Variants in ZNF827 observed in about 807,000 individuals in gnomAD.
ZNF827 encodes zinc finger protein 827.
Under a neutral mutation model 102.4 loss-of-function variants are expected in ZNF827, and 13 were observed. The observed-to-expected ratio is 0.13, with a 90% confidence interval of 0.08 to 0.20. ZNF827 has a LOEUF of 0.20. Among genes scored for constraint, ZNF827 ranks in the 10% least tolerant of loss-of-function variants. ZNF827 has a pLI of 1.00. For missense variants in ZNF827, 1,103 were observed against 1,344.4 expected, an observed-to-expected ratio of 0.82 and a Z score of 2.81; for synonymous variants, 523 against 536.2, an observed-to-expected ratio of 0.98 and a Z score of 0.34.
At chr4:145,899,039 T>C (rs1192377379) in intron 2 of ZNF827, among the ~76,000 whole-genome samples, 2 of 152,248 alleles carry the variant, frequency 1.3e-5, no homozygotes, top group East Asian at 3.9e-4. Flanking sequence ...TTTGTTGTTG[T>C]TCTTGGGGGC....
chr4:145,883,657 C>G (rs1374609169), intron 4 of ZNF827, among the ~76,000 whole-genome samples: 1 of 152,222 alleles, frequency 6.6e-6, no homozygotes, highest in African/African-American at 2.4e-5. Context: ...GCTCAACTTC[C>G]TCTAGATTTT....
chr4:145,778,388 C>T (rs185196266), intron 9 of ZNF827, among the ~76,000 whole-genome samples: 3 of 152,326 alleles, frequency 2.0e-5, no homozygotes, highest in Admixed American at 2.0e-4. Flanking sequence ...CCTGCCTTGG[C>T]CTCCCAAAGT....
chr4:145,903,382 G>GA (rs900712915), intron 1 of ZNF827, among the ~76,000 whole-genome samples, 167 bp from the exon 2 acceptor site: 6 of 152,152 alleles, frequency 3.9e-5, no homozygotes, highest in African/African-American at 1.4e-4. Context: ...GCAGAAGCCT[G>GA]AAAAAAGTAA....
At chr4:145,906,992 T>A (rs2126907895) in intron 1 of ZNF827, 1 of 443,088 alleles carries the variant, frequency 2.3e-6, no homozygotes, top group Admixed American at 2.6e-5. Context: ...ATAATTTTAA[T>A]GCATGGCATA....
At chr4:145,813,019 C>T (rs1034737225) in intron 8 of ZNF827, among the ~76,000 whole-genome samples, 6 of 152,134 alleles carry the variant, frequency 3.9e-5, no homozygotes, top group African/African-American at 1.2e-4. Context: ...AATCTCTTGC[C>T]ATCCCATTCT....
chr4:145,897,733 A>G (rs1228764067), intron 2 of ZNF827, among the ~76,000 whole-genome samples: 1 of 152,248 alleles, frequency 6.6e-6, no homozygotes. Flanking sequence ...TGATATCTAT[A>G]GCCATACTAA....
intron 8 of ZNF827, among the ~76,000 whole-genome samples, chr4:145,793,263 A>T (rs1015570606): frequency 7.3e-6 from 1 of 136,650 alleles, no homozygotes; most frequent in African/African-American, 2.7e-5. Context: ...ATATATATAT[A>T]TCTCTTATAT....
chr4:145,913,494 T>C (rs993764617), intron 1 of ZNF827, among the ~76,000 whole-genome samples: 3 of 148,996 alleles, frequency 2.0e-5, no homozygotes, highest in African/African-American at 7.4e-5. Flanking sequence ...CTTAGAGATA[T>C]CCAAACAAAA....
In ZNF827 at chr4:145,866,909, T is replaced by A. The variant is rs78269777; in HGVS notation, c.1981+3336A>T. On this transcript the variant is annotated intron_variant, in intron 5 of 14. Coordinates refer to ENST00000508784, the MANE Select transcript of ZNF827 (RefSeq NM_001306215.2). The stretch of plus-strand genomic sequence containing the variant: ...TTTCAGCATTACATCATATCCATGA[T>A]AACACAGCTATCCCATAAGTTTGCA... Among the ~76,000 whole-genome samples the A allele has an allele frequency of 4.9e-4, 75 of 152,348 alleles. No individual in the cohort carries two copies. In the East Asian group the frequency reaches 7.1e-3, roughly 14 times the overall value.
At position 145,785,567 on chromosome 4, in the gene ZNF827, C is replaced by T. The variant is rs558687036; in HGVS notation, c.2384-6056G>A. On this transcript the variant is annotated intron_variant, in intron 8 of 14. Transcript: ENST00000508784. ...ACAACTGTTGCCCAAGGTTGGGCAA[C>T]AGTTTCCACAGTAACTAAGTCTCTA... 3.3e-5 allele frequency among the ~76,000 whole-genome samples: 5 copies of T among 152,264 alleles called. No homozygotes were observed. In the South Asian group the frequency reaches 8.3e-4, roughly 25 times the overall value.
intron 5 of ZNF827, among the ~76,000 whole-genome samples, chr4:145,854,347 A>G (rs879731464): frequency 2.0e-5 from 3 of 151,946 alleles, no homozygotes; most frequent in African/African-American, 2.4e-5. Context: ...TGAGGTCTGC[A>G]AAAGAGAGCA....
At chr4:145,858,691 A>G (rs1435420281) in intron 5 of ZNF827, among the ~76,000 whole-genome samples, 2 of 152,004 alleles carry the variant, frequency 1.3e-5, no homozygotes, top group Admixed American at 6.6e-5. Context: ...AACTCCTGAA[A>G]GATTCAGTAG....
In ZNF827 at chr4:145,892,415, G is replaced by A; in HGVS notation, c.1094C>T (p.Ala365Val). Residue 365 changes from alanine to valine, a missense_variant and splice_region_variant, in exon 3 of 15, where the codon GCC becomes GTC. Coordinates refer to ENST00000508784, the MANE Select transcript of ZNF827 (RefSeq NM_001306215.2). ...KGRVSKPSNS[A>V]SEEESGKPFQ... ...AGGCTTTCCACTTTCCTCTTCTGAG[G>A]CTTGGAAGAAGGAGAAAGAAAGGAC... 2 of 1,609,794 alleles carry A rather than the reference G, an allele frequency of 1.2e-6. No homozygotes were observed.
At chr4:145,889,794 TGGTGAAACC>T in intron 3 of ZNF827, among the ~76,000 whole-genome samples, 1 of 152,126 alleles carries the variant, frequency 6.6e-6, no homozygotes, top group Non-Finnish European at 1.5e-5. Flanking sequence ...GTGGCTAACA[TGGTGAAACC>T]TCGTCTCTAC....
At chr4:145,908,615 A>T (rs769126034) in intron 1 of ZNF827, among the ~76,000 whole-genome samples, 6 of 152,250 alleles carry the variant, frequency 3.9e-5, no homozygotes, top group African/African-American at 7.2e-5. Flanking sequence ...TTTTACATGC[A>T]GTTTTACATA....
chr4:145,836,608 C>T (rs1344679182), intron 7 of ZNF827, among the ~76,000 whole-genome samples: 1 of 152,138 alleles, frequency 6.6e-6, no homozygotes, highest in African/African-American at 2.4e-5. Context: ...TCCGGCCTCC[C>T]ACATTATTCC....
At chr4:145,775,439 T>A (rs551891477) in intron 10 of ZNF827, among the ~76,000 whole-genome samples, 3 of 151,778 alleles carry the variant, frequency 2.0e-5, no homozygotes, top group South Asian at 2.1e-4. Context: ...TTTTTTTTTT[T>A]AAACAATTCT....
At chr4:145,785,172 C>A (rs1274269471) in intron 8 of ZNF827, among the ~76,000 whole-genome samples, 3 of 152,300 alleles carry the variant, frequency 2.0e-5, no homozygotes, top group Non-Finnish European at 4.4e-5. Context: ...CTCATCTTAG[C>A]AATCCCAAAA....
intron 4 of ZNF827, among the ~76,000 whole-genome samples, chr4:145,878,254 A>C (rs1046409020): frequency 6.6e-6 from 1 of 152,168 alleles, no homozygotes; most frequent in Admixed American, 6.5e-5. Context: ...GCTCCTCCCA[A>C]GAGGAGGAAA....
Sources: gnomAD v4.1 joint callset for allele counts (sites outside exome capture counted in the v4.1 genomes callset) on GRCh38, gnomAD v4.1.1 for gene constraint, MANE v1.5 for transcripts, NCBI Gene and HGNC (gene_info 2026-07-23, HGNC 2026-07-21) for gene names.